PCDHA2: variants seen among roughly 807,000 people sequenced by gnomAD.
The protein encoded by PCDHA2 is protocadherin alpha-2.
Under a neutral mutation model 66.0 loss-of-function variants are expected in PCDHA2, and 58 were observed. The ratio of observed to expected loss-of-function variants is 0.88; its 90% CI spans 0.71 to 1.09. The LOEUF (loss-of-function observed/expected upper bound fraction) is 1.09. Among genes scored for constraint, PCDHA2 ranks in the 50% least tolerant of loss-of-function variants. The pLI, the probability that PCDHA2 is intolerant of heterozygous loss-of-function variation, is 0.00. For missense variants in PCDHA2, 1,267 were observed against 1,242.3 expected (o/e 1.02, Z -0.30); for synonymous variants, 634 against 554.0 (o/e 1.14, Z -2.03).
intron 1 of PCDHA2, chr5:140,858,909 C>T (rs2150442831): frequency 5.4e-6 from 1 of 185,188 alleles, no homozygotes; most frequent in South Asian, 1.1e-4. Flanking sequence ...CGTACCACAG[C>T]TTATACTGCC....
At chr5:140,836,542 C>T (rs2150263545) in intron 1 of PCDHA2, 1 of 1,613,772 alleles carries the variant, frequency 6.2e-7, no homozygotes, top group Non-Finnish European at 8.5e-7. Context: ...CTGTACACGG[C>T]GTTGCGGTGC....
At chr5:140,838,089 T>C (rs1418087315) in intron 1 of PCDHA2, among the ~76,000 whole-genome samples, 2 of 121,978 alleles carry the variant, frequency 1.6e-5, no homozygotes, top group East Asian at 4.2e-4. Flanking sequence ...TGTGTGTGTG[T>C]GTGTGTGTGT....
chr5:140,828,172 G>T, intron 1 of PCDHA2: 4 of 1,614,172 alleles, frequency 2.5e-6, no homozygotes, highest in South Asian at 2.2e-5. Context: ...GGAAGGTGGG[G>T]AGCGGCCAGC....
chr5:140,810,537 A>G (rs1554125510), intron 1 of PCDHA2: 1 of 152,218 alleles, frequency 6.6e-6, no homozygotes. Context: ...TGACTTTTGT[A>G]ATCTCATTTT....
At chr5:140,808,603 C>T (rs1554124649) in intron 1 of PCDHA2, 1 of 1,613,880 alleles carries the variant, frequency 6.2e-7, no homozygotes, top group Non-Finnish European at 8.5e-7. Context: ...CGCCGGGCTG[C>T]CACATCTTCA....
chr5:140,839,338 AG>A (rs2150296431), intron 1 of PCDHA2, among the ~76,000 whole-genome samples: 1 of 151,246 alleles, frequency 6.6e-6, no homozygotes, highest in Non-Finnish European at 1.5e-5. Context: ...TGAAGTTGAT[AG>A]GGGATCCTCC....
intron 1 of PCDHA2, among the ~76,000 whole-genome samples, chr5:140,878,794 T>G (rs2057730678): frequency 6.6e-6 from 1 of 152,218 alleles, no homozygotes; most frequent in African/African-American, 2.4e-5. Flanking sequence ...CAATCACTTT[T>G]TAAAAACATA....
At position 140,796,699 on chromosome 5, in the gene PCDHA2, G is replaced by C. The variant is rs1562162174; in HGVS notation, c.1735G>C (p.Glu579Gln). 1 of 1,614,010 alleles carries C rather than the reference G, an allele frequency of 6.2e-7. No homozygotes were observed. Among genetic ancestry groups the C allele is most frequent in the Non-Finnish European group, 8.5e-7 (1 of 1,179,922 alleles). ...TGGCACCGCTGCTGGCGCAGTGAGT[G>C]AGCTGGTGCCGTGGTCGGTGGGTGC... ...RAGTAAGAVS[E>Q]LVPWSVGAGH... Residue 579 changes from glutamate to glutamine, a missense_variant, in exon 1 of 4, where the codon GAG (glutamate) becomes CAG (glutamine). Physicochemically the swap from Glu to Gln is conservative, Grantham distance 29. Transcript: ENST00000526136.
At chr5:140,851,158 C>A in intron 1 of PCDHA2, 1 of 1,299,046 alleles carries the variant, frequency 7.7e-7, no homozygotes, top group Non-Finnish European at 9.9e-7. Flanking sequence ...ATTTCTGATG[C>A]TATGCTGCCA....
At chr5:140,809,182 G>T (rs1369290140) in intron 1 of PCDHA2, 1 of 1,614,050 alleles carries the variant, frequency 6.2e-7, no homozygotes, top group Non-Finnish European at 8.5e-7. Context: ...CGGCCACTGT[G>T]CTGGTGTCAC....
intron 1 of PCDHA2, among the ~76,000 whole-genome samples, chr5:140,899,105 T>G (rs2153462801): frequency 6.6e-6 from 1 of 152,160 alleles, no homozygotes; most frequent in Non-Finnish European, 1.5e-5. Flanking sequence ...GATAATGGGG[T>G]TTTCTAGATA....
At chr5:140,856,225 G>A (rs1554148421) in intron 1 of PCDHA2, 1 of 1,598,066 alleles carries the variant, frequency 6.3e-7, no homozygotes, top group Non-Finnish European at 8.6e-7. Context: ...CGGAGCTGGT[G>A]CAGCGCCTGT....
chr5:140,926,906 G>A (rs781809570), intron 1 of PCDHA2: 1 of 1,559,584 alleles, frequency 6.4e-7, no homozygotes, highest in Admixed American at 1.8e-5. Context: ...GTGGGCTGTG[G>A]GGTGGCAGTT....
At chr5:140,980,494 A>T (rs868915196) in intron 2 of PCDHA2, among the ~76,000 whole-genome samples, 1 of 152,106 alleles carries the variant, frequency 6.6e-6, no homozygotes, top group African/African-American at 2.4e-5. Context: ...GCTGGGCGTG[A>T]TGGCATGTGC....
chr5:140,802,944 C>A (rs375111738), intron 1 of PCDHA2: 14 of 1,613,866 alleles, frequency 8.7e-6, no homozygotes, highest in African/African-American at 5.3e-5. Flanking sequence ...GCTGGTGCCG[C>A]GGTCAGTGGG....
At chr5:140,915,814 A>G (rs2077313905) in intron 1 of PCDHA2, among the ~76,000 whole-genome samples, 1 of 152,102 alleles carries the variant, frequency 6.6e-6, no homozygotes, top group African/African-American at 2.4e-5. Flanking sequence ...TGTTCACTCA[A>G]GGCCCTAGGG....
At chr5:140,929,250 G>A (rs995042103) in intron 1 of PCDHA2, 2 of 1,613,420 alleles carry the variant, frequency 1.2e-6, no homozygotes, top group Admixed American at 1.7e-5. Flanking sequence ...TTGCCACTGG[G>A]GTAGGACTGA....
At position 141,009,773 on chromosome 5, in the gene PCDHA2, A is replaced by C. The variant is rs782087059; in HGVS notation, c.2683A>C (p.Ile895Leu). ...KFIIPGSPAI[I>L]SIRQEPTNSQ... is the part of the protein sequence containing the mutation. ...CATTATCCCAGGATCTCCTGCAATC[A>C]TCTCCATCCGGCAGGAGCCTACTAA... Residue 895 changes from isoleucine to leucine, a missense_variant, in exon 4 of 4, where the codon ATC becomes CTC. Physicochemically the swap from Ile to Leu is conservative, Grantham distance 5. Transcript: ENST00000526136. 1 of 1,614,128 alleles carries C rather than the reference A, an allele frequency of 6.2e-7. No individual in the cohort carries two copies. Among genetic ancestry groups the C allele is most frequent in the East Asian group, 2.2e-5 (1 of 44,878 alleles).
At position 140,903,777 on chromosome 5, in the gene PCDHA2, T is replaced by C. The variant is rs80247548; in HGVS notation, c.2389-75172T>C. On this transcript the variant is annotated intron_variant, in intron 1 of 3. Transcript: ENST00000526136. ...GATTTTTGCTGAACTTTTCTATCCA[T>C]AAACTATCTATGGTTGTAATTGACA... 8.0e-3 allele frequency among the ~76,000 whole-genome samples: 1,216 copies of C among 152,334 alleles called. 6 individuals are homozygous for C. The highest frequency in any genetic ancestry group is 0.019 in the African/African-American group (784 of 41,582).
Sources: allele counts gnomAD v4.1 joint callset (sites outside exome capture counted in the v4.1 genomes callset), GRCh38; gene constraint gnomAD v4.1.1; transcripts MANE v1.5; gene names NCBI Gene and HGNC (gene_info 2026-07-23, HGNC 2026-07-21).